Variants in NR1H4 observed in about 807,000 individuals in gnomAD.
NR1H4 encodes the protein bile acid receptor.
In NR1H4, 23 loss-of-function variants were observed where a neutral mutation model predicts 58.5. The observed-to-expected ratio is 0.39, with a 90% confidence interval of 0.28 to 0.56. NR1H4 has a LOEUF of 0.56. Ranked by LOEUF, NR1H4 falls within the 20% of genes least tolerant of loss-of-function variation. The pLI is 0.58. For synonymous variants in NR1H4, 214 were observed against 198.0 expected (o/e 1.08, Z -0.68); for missense variants, 487 against 576.9 (o/e 0.84, Z 1.60).
At chr12:100,505,315 C>T (rs1250040592) in intron 3 of NR1H4, among the ~76,000 whole-genome samples, 1 of 152,192 alleles carries the variant, frequency 6.6e-6, no homozygotes, top group Non-Finnish European at 1.5e-5. Context: ...TGGTCCCAAA[C>T]TCCTTAGAGC....
chr12:100,481,644 G>T (rs563961280), intron 1 of NR1H4, among the ~76,000 whole-genome samples: 1 of 151,972 alleles, frequency 6.6e-6, no homozygotes, highest in African/African-American at 2.4e-5. Flanking sequence ...GGCTGGGCAC[G>T]GTGGCTCATG....
intron 9 of NR1H4, among the ~76,000 whole-genome samples, chr12:100,541,535 G>C (rs1300328324): frequency 6.6e-6 from 1 of 151,754 alleles, no homozygotes; most frequent in Non-Finnish European, 1.5e-5. Flanking sequence ...GCCTGACTTG[G>C]CCTTCCAAAG....
chr12:100,500,422 C>T (rs117822465), intron 3 of NR1H4, among the ~76,000 whole-genome samples: 1,859 of 152,264 alleles, frequency 0.012, 21 homozygotes, highest in Non-Finnish European at 0.017. Flanking sequence ...CTTTCTGTGA[C>T]GAAGGAAATG....
chr12:100,553,305 A>C (rs1318361109), intron 9 of NR1H4, among the ~76,000 whole-genome samples: 1 of 152,058 alleles, frequency 6.6e-6, no homozygotes, highest in Non-Finnish European at 1.5e-5. Flanking sequence ...GCCGATTCCC[A>C]CTCTTATAAA....
chr12:100,496,050 T>G (rs1214187648), intron 3 of NR1H4, among the ~76,000 whole-genome samples: 3 of 152,124 alleles, frequency 2.0e-5, no homozygotes, highest in Admixed American at 2.0e-4. Flanking sequence ...ACAGCAGTCA[T>G]GTTGTTATAA....
At chr12:100,491,398 C>T (rs780339958) in intron 1 of NR1H4, among the ~76,000 whole-genome samples, 2 of 151,386 alleles carry the variant, frequency 1.3e-5, no homozygotes, top group Non-Finnish European at 2.9e-5. Flanking sequence ...TTCTCTCTCT[C>T]TTCTGCTTGT....
chr12:100,528,700 AATG>A (rs1166842842), intron 4 of NR1H4, among the ~76,000 whole-genome samples: 1 of 152,252 alleles, frequency 6.6e-6, no homozygotes, highest in Admixed American at 6.5e-5. Flanking sequence ...TAAATGATAT[AATG>A]ATAATATTGT....
intron 3 of NR1H4, among the ~76,000 whole-genome samples, chr12:100,495,852 T>C (rs1305312403): frequency 1.3e-5 from 2 of 152,176 alleles, no homozygotes; most frequent in African/African-American, 4.8e-5. Context: ...CATTGATGGC[T>C]TCTATGGCCC....
At chr12:100,516,608 C>T (rs1018280619) in intron 4 of NR1H4, among the ~76,000 whole-genome samples, 16 of 152,086 alleles carry the variant, frequency 1.1e-4, no homozygotes, top group African/African-American at 1.9e-4. Context: ...CCTCGTGATC[C>T]GCCCGCCTCG....
intron 1 of NR1H4, among the ~76,000 whole-genome samples, chr12:100,483,367 G>C (rs1044476820): frequency 6.6e-6 from 1 of 152,128 alleles, no homozygotes; most frequent in Non-Finnish European, 1.5e-5. Context: ...TAATTAAAAT[G>C]TTAATTTAAA....
chr12:100,501,482 A>AAG (rs1291240917), intron 3 of NR1H4, among the ~76,000 whole-genome samples: 1 of 152,170 alleles, frequency 6.6e-6, no homozygotes, highest in Non-Finnish European at 1.5e-5. Flanking sequence ...TTTGAGTCAG[A>AAG]AGACCTGGGT....
At chr12:100,499,692 G>A (rs1381002939) in intron 3 of NR1H4, among the ~76,000 whole-genome samples, 4 of 152,036 alleles carry the variant, frequency 2.6e-5, no homozygotes, top group Non-Finnish European at 4.4e-5. Flanking sequence ...AGATTCTTAG[G>A]GATGCCAAGT....
Position 100,521,126 on chromosome 12 carries a change from T to TA in NR1H4, c.445+9994dup, listed in dbSNP as rs537500291. Among the ~76,000 whole-genome samples, 123 of 145,784 alleles carry TA rather than the reference T, an allele frequency of 8.4e-4. 1 individual carries two copies. Among genetic ancestry groups the TA allele is most frequent in the East Asian group, 5.9e-3 (30 of 5,090 alleles). ...CAAACAAAGAAAACACAAGAGAATT[T>TA]AAAAAAAAAAAGCAACCTTAGAAAC... On this transcript the variant is annotated intron_variant, in intron 4 of 10. Coordinates refer to ENST00000392986, the MANE Select transcript of NR1H4 (RefSeq NM_001206979.2).
rs534522362 is a variant in NR1H4, at chr12:100,564,405, C to T, written c.*916C>T. The stretch of plus-strand genomic sequence containing the variant: ...TTTGGTGAATACAATAAAACACCTT[C>T]TATAAGTAATGGGCGTATATCTCCC... On this transcript the variant is annotated 3_prime_UTR_variant, in exon 11 of 11. Transcript: ENST00000392986. The T allele has an allele frequency of 7.2e-5, 11 of 152,186 alleles. No individual in the cohort carries two copies. The highest frequency in any genetic ancestry group is 1.3e-4 in the Non-Finnish European group (9 of 68,026). The allele number at this position is 152,186 out of a possible 1,614,324, so 9.4% of individuals were successfully genotyped here. A position where few individuals can be genotyped will look rare whatever the true frequency, so the allele number is the denominator to read the frequency against.
In NR1H4 at chr12:100,511,136, G is replaced by C; in HGVS notation, c.438G>C (p.Gly146=). The stretch of plus-strand genomic sequence containing the variant: ...ACTATAATGCACTGACCTGTGAGGG[G>C]TGTAAAGGTAAGCATCTTTGATTGG... ...GYHYNALTCE[G]CKGFFRRSIT... Residue 146 remains glycine (G), a synonymous_variant, in exon 4 of 11, where the codon GGG becomes GGC. Coordinates refer to ENST00000392986, the MANE Select transcript of NR1H4 (RefSeq NM_001206979.2). The C allele has an allele frequency of 6.2e-7, 1 of 1,614,254 alleles. No homozygotes were observed. The highest frequency in any genetic ancestry group is 8.5e-7 in the Non-Finnish European group (1 of 1,180,040).
chr12:100,524,991 G>A (rs573961654), intron 4 of NR1H4, among the ~76,000 whole-genome samples: 15 of 152,280 alleles, frequency 9.9e-5, no homozygotes, highest in African/African-American at 3.6e-4. Context: ...CTCCCAGGTG[G>A]CTCTTGGCAG....
At position 100,523,371 on chromosome 12, in the gene NR1H4, T is replaced by A. The variant is rs147613164; in HGVS notation, c.446-9087T>A. ...ATGTGTTCTTTTGAGAAATGTCTATTCATGTCATTTGTCCACTTTTTGATG... is the reference window on the plus strand; with the variant it reads ...ATGTGTTCTTTTGAGAAATGTCTATACATGTCATTTGTCCACTTTTTGATG... On this transcript the variant is annotated intron_variant, in intron 4 of 10. Transcript: ENST00000392986. Among the ~76,000 whole-genome samples, 4 of 152,324 alleles carry A rather than the reference T, an allele frequency of 2.6e-5. No individual in the cohort carries two copies. In the East Asian group the frequency reaches 7.7e-4, roughly 29 times the overall value.
intron 8 of NR1H4, 77 bp from the exon 9 acceptor site, chr12:100,540,595 G>A (rs1593114511): frequency 2.0e-6 from 3 of 1,489,420 alleles, no homozygotes; most frequent in Non-Finnish European, 2.8e-6. Flanking sequence ...TGATGTAAAT[G>A]TTTTATCAAT....
chr12:100,563,413 C>G lies in NR1H4; in HGVS notation c.1355C>G (p.Ala452Gly). The change falls in exon 11 of 11, where the codon GCT becomes GGT. Residue 452 changes from alanine to glycine, a missense_variant. Physicochemically the swap from Ala to Gly is moderately conservative, Grantham distance 60. Coordinates refer to ENST00000392986, the MANE Select transcript of NR1H4 (RefSeq NM_001206979.2). ...TTACGGACATTCAATCATCACCACGCTGAGATGCTGATGTCATGGAGAGTA... is the reference window on the plus strand; with the variant it reads ...TTACGGACATTCAATCATCACCACGGTGAGATGCTGATGTCATGGAGAGTA... ...TELRTFNHHHAEMLMSWRVND... is the reference protein window; with the variant it reads ...TELRTFNHHHGEMLMSWRVND... The G allele has an allele frequency of 6.2e-7, 1 of 1,614,124 alleles. No individual in the cohort carries two copies. Among genetic ancestry groups the G allele is most frequent in the Non-Finnish European group, 8.5e-7 (1 of 1,180,020 alleles).
Sources: allele counts gnomAD v4.1 joint callset (sites outside exome capture counted in the v4.1 genomes callset), GRCh38; gene constraint gnomAD v4.1.1; transcripts MANE v1.5; gene names NCBI Gene and HGNC (gene_info 2026-07-23, HGNC 2026-07-21).